Variants in ZNF28 observed in about 807,000 individuals in gnomAD.
The protein encoded by ZNF28 is zinc finger protein 28, also known as zinc finger protein KOX24.
A neutral mutation model predicts 7.2 loss-of-function variants in ZNF28; 5 were observed. That is an observed-to-expected ratio of 0.70 (90% confidence interval 0.36 to 1.46). The LOEUF is 1.46. Among genes scored for constraint, ZNF28 ranks in the 40% most tolerant of loss-of-function variants. The pLI is 0.03. For synonymous variants in ZNF28, 288 were observed against 292.4 expected (o/e 0.99, Z 0.15); for missense variants, 879 against 866.6 (o/e 1.01, Z -0.18).
At chr19:52,803,929 C>T (rs556100768) in intron 3 of ZNF28, among the ~76,000 whole-genome samples, 1 of 152,164 alleles carries the variant, frequency 6.6e-6, no homozygotes, top group East Asian at 1.9e-4. Flanking sequence ...TGCATTCCAG[C>T]CTGGGCAACA....
At position 52,798,411 on chromosome 19, in the gene ZNF28, G is replaced by A. The variant is rs2062822372; in HGVS notation, c.*1277C>T. The A allele has an allele frequency of 2.5e-6, 1 of 396,902 alleles. No homozygotes were observed. The highest frequency in any genetic ancestry group is 2.1e-5 in the African/African-American group (1 of 47,288). 24.6% of individuals were successfully genotyped at this position (396,902 alleles called of 1,614,324 possible). On this transcript the variant is annotated 3_prime_UTR_variant, in exon 4 of 4. Coordinates refer to ENST00000457749, the MANE Select transcript of ZNF28 (RefSeq NM_006969.5). Reference sequence around the variant, plus strand: ...ACTGTAATGTCAATTAATGCTTGATGGCTTGCTATACTAATGGCATTTGAA... The same window carrying A: ...ACTGTAATGTCAATTAATGCTTGATAGCTTGCTATACTAATGGCATTTGAA...
In ZNF28 at chr19:52,799,060, GT is replaced by G; in HGVS notation, c.*627del. 2.0e-6 allele frequency: 1 copy of G among 495,182 alleles called. No individual in the cohort carries two copies. Among genetic ancestry groups the G allele is most frequent in the Non-Finnish European group, 3.7e-6 (1 of 272,932 alleles). 30.7% of individuals were successfully genotyped at this position (495,182 alleles called of 1,614,324 possible). A position where few individuals can be genotyped will look rare whatever the true frequency, so the allele number is the denominator to read the frequency against. ...TATGAATTCTCCTGTCTTTCAAGCT[GT>G]GATTTGTGACTGACAACTTTGTCAC... On this transcript the variant is annotated 3_prime_UTR_variant, in exon 4 of 4. Coordinates refer to ENST00000457749, the MANE Select transcript of ZNF28 (RefSeq NM_006969.5).
intron 2 of ZNF28, chr19:52,810,788 A>T (rs2063012754): frequency 2.1e-6 from 1 of 471,052 alleles, no homozygotes; most frequent in Non-Finnish European, 3.8e-6. Flanking sequence ...CCCAAAAAAA[A>T]CAGAAGATGA....
chr19:52,803,184 G>A (rs925470590), intron 3 of ZNF28, among the ~76,000 whole-genome samples: 2 of 152,154 alleles, frequency 1.3e-5, no homozygotes, highest in African/African-American at 4.8e-5. Flanking sequence ...GTTCATGTGA[G>A]TCTCTTCCTT....
chr19:52,817,500 A>T (rs1683596898), intron 2 of ZNF28, among the ~76,000 whole-genome samples: 1 of 152,218 alleles, frequency 6.6e-6, no homozygotes, highest in South Asian at 2.1e-4. Flanking sequence ...AAAATGTGGT[A>T]TAAAATCAGG....
intron 2 of ZNF28, chr19:52,809,699 G>T: frequency 2.7e-6 from 1 of 376,194 alleles, no homozygotes; most frequent in South Asian, 7.0e-5. Flanking sequence ...TCAGCTACTC[G>T]AGAGGCTGAG....
At chr19:52,810,880 CCTCCCCCTCCCCCTCCCCCTCCCT>C (rs1236999856) in intron 2 of ZNF28, among the ~76,000 whole-genome samples, 970 of 17,564 alleles carry the variant, frequency 0.055, 112 homozygotes, top group Non-Finnish European at 0.075. Flanking sequence ...TCCCCCTCCC[CCTCCCCCTCCCCCTCCCCCTCCCT>C]CTCCCTCTCC....
rs746013900 is a variant in ZNF28, at chr19:52,801,363, C to T, written c.482G>A (p.Gly161Asp). 1.1e-5 allele frequency: 17 copies of T among 1,614,088 alleles called. No homozygotes were observed. The highest frequency in any genetic ancestry group is 6.7e-5 in the Admixed American group (4 of 60,000). The change falls in exon 4 of 4, where the codon GGT (glycine) becomes GAT (aspartate). Residue 161 changes from glycine (G) to aspartate (D), a missense_variant. Around this residue, in one of 2 missense-constraint regions of ZNF28, gnomAD observed 864 missense variants for 830.2 expected, o/e 1.04. Transcript: ENST00000457749. The stretch of plus-strand genomic sequence containing the variant: ...GTTGATAGACTTCTCAACTTGATTA[C>T]CAATTTTCCCTTCAGGCTGAAATAT... ...LHIFQPEGKI[G>D]NQVEKSINNA...
chr19:52,807,533 G>A (rs2062951708), intron 3 of ZNF28, among the ~76,000 whole-genome samples: 1 of 152,184 alleles, frequency 6.6e-6, no homozygotes, highest in South Asian at 2.1e-4. Context: ...GAGTGCAGTG[G>A]TGTGTTCTCA....
intron 3 of ZNF28, among the ~76,000 whole-genome samples, chr19:52,801,982 C>T (rs923817142): frequency 5.3e-5 from 8 of 152,066 alleles, no homozygotes; most frequent in African/African-American, 1.4e-4. Context: ...TCCACTGTGA[C>T]CCTAAAGTGT....
At chr19:52,807,981 G>A in intron 3 of ZNF28, 26 bp downstream of exon 3, 1 of 1,612,366 alleles carries the variant, frequency 6.2e-7, no homozygotes. Flanking sequence ...ATACACAAGG[G>A]CACATCCCCA....
In ZNF28 at chr19:52,801,840, G is replaced by A; in HGVS notation, c.143-138C>T. 3 of 809,654 alleles carry A rather than the reference G, an allele frequency of 3.7e-6. No individual in the cohort carries two copies. The South Asian group carries it at 6.5e-5, about 18-fold the overall frequency. The allele number at this position is 809,654 out of a possible 1,614,324, so 50.2% of individuals were successfully genotyped here. Reference sequence around the variant, plus strand: ...TCTTCAAAGTTTAAGAACACAAAAGGAGTAAGATTCTTTAATAAATAAAGG... The same window carrying A: ...TCTTCAAAGTTTAAGAACACAAAAGAAGTAAGATTCTTTAATAAATAAAGG... On this transcript the variant is annotated intron_variant, in intron 3 of 3. Coordinates refer to ENST00000457749, the MANE Select transcript of ZNF28 (RefSeq NM_006969.5).
chr19:52,818,611 G>A (rs1380990681), intron 1 of ZNF28, among the ~76,000 whole-genome samples: 3 of 152,162 alleles, frequency 2.0e-5, no homozygotes, highest in Non-Finnish European at 2.9e-5. Flanking sequence ...TCAGGAGGCT[G>A]AGGTAGAATT....
At chr19:52,807,895 T>C in intron 3 of ZNF28, 112 bp downstream of exon 3, 1 of 1,530,992 alleles carries the variant, frequency 6.5e-7, no homozygotes, top group Non-Finnish European at 8.9e-7. Context: ...AAGCTTTTCA[T>C]TTCAAAATCA....
chr19:52,807,721 C>T lies in ZNF28; in HGVS notation c.142+286G>A, dbSNP rs546720854. On this transcript the variant is annotated intron_variant, in intron 3 of 3. Transcript: ENST00000457749. ...AACTCCTCACCCATAGCGATCCACACGCCTTGGCCTCCCAAGGTGCTGGGA... is the reference window on the plus strand; with the variant it reads ...AACTCCTCACCCATAGCGATCCACATGCCTTGGCCTCCCAAGGTGCTGGGA... Among the ~76,000 whole-genome samples the T allele has an allele frequency of 1.7e-3, 258 of 152,330 alleles. 2 individuals carry two copies. Among genetic ancestry groups the T allele is most frequent in the African/African-American group, 5.3e-3 (221 of 41,570 alleles).
intron 3 of ZNF28, among the ~76,000 whole-genome samples, chr19:52,803,868 A>C (rs1400130800): frequency 6.6e-6 from 1 of 152,186 alleles, no homozygotes; most frequent in Non-Finnish European, 1.5e-5. Flanking sequence ...CTGAGGCAGA[A>C]AACATTTGTA....
At position 52,812,141 on chromosome 19, in the gene ZNF28, TG is replaced by T. The variant is rs1278939487; in HGVS notation, c.16-4009del. On this transcript the variant is annotated intron_variant, in intron 2 of 3. Transcript: ENST00000457749. ...CCAGCCGCCCCGTCCGGGAGGGTGGTGGGGGGGTCAGCCCCCCGCCCGGCCA... is the reference window on the plus strand; with the variant it reads ...CCAGCCGCCCCGTCCGGGAGGGTGGTGGGGGGTCAGCCCCCCGCCCGGCCA... Among the ~76,000 whole-genome samples, 8 of 112,656 alleles carry T rather than the reference TG, an allele frequency of 7.1e-5. 3 individuals carry two copies. The highest frequency in any genetic ancestry group is 3.7e-4 in the African/African-American group (8 of 21,416). 73.9% of individuals were successfully genotyped at this position (112,656 alleles called of 152,430 possible). A position where few individuals can be genotyped will look rare whatever the true frequency, so the allele number is the denominator to read the frequency against.
At chr19:52,802,255 G>C (rs2062881453) in intron 3 of ZNF28, among the ~76,000 whole-genome samples, 1 of 152,160 alleles carries the variant, frequency 6.6e-6, no homozygotes, top group Non-Finnish European at 1.5e-5. Context: ...TGTACTCACA[G>C]CTACTCTGAA....
intron 2 of ZNF28, among the ~76,000 whole-genome samples, chr19:52,808,969 A>G (rs1278410884): frequency 6.6e-6 from 1 of 152,166 alleles, no homozygotes; most frequent in Non-Finnish European, 1.5e-5. Flanking sequence ...AATATAAAAG[A>G]TTTTCAAAAT....
Sources: gnomAD v4.1 joint callset for allele counts (sites outside exome capture counted in the v4.1 genomes callset) on GRCh38, gnomAD v4.1.1 for gene constraint, gnomAD v4.1.1 regional missense constraint, MANE v1.5 for transcripts, NCBI Gene and HGNC (gene_info 2026-07-23, HGNC 2026-07-21) for gene names.